The following ZNF579 variants were observed in gnomAD, a reference collection of about 807,000 sequenced individuals.
ZNF579 encodes the protein zinc finger protein 579.
Under a neutral mutation model 5.7 loss-of-function variants are expected in ZNF579, and 3 were observed. That is an observed-to-expected ratio of 0.53 (90% CI 0.24 to 1.36). The LOEUF (loss-of-function observed/expected upper bound fraction) is 1.36, where lower values mean the gene tolerates loss of function less well. Ranked by LOEUF, ZNF579 falls within the 40% of genes most tolerant of loss-of-function variation. The pLI is 0.16. For synonymous variants in ZNF579, 454 were observed against 409.0 expected (o/e 1.11, Z -1.33); for missense variants, 679 against 877.6 (o/e 0.77, Z 2.86).
chr19:55,577,257 C>A lies in ZNF579; in HGVS notation c.*694G>T, dbSNP rs752980275. ...AGAGTAAGGGTGTGGTAGAGATTGA[C>A]TGAGTAAGGCGCGGAGCTTCCACAG... On this transcript the variant is annotated 3_prime_UTR_variant, in exon 2 of 2. Transcript: ENST00000325421. The A allele has an allele frequency of 1.9e-5, 3 of 153,922 alleles. No homozygotes were observed. Among genetic ancestry groups the A allele is most frequent in the Non-Finnish European group, 4.3e-5 (3 of 69,184 alleles). 9.5% of individuals were successfully genotyped at this position (153,922 alleles called of 1,614,324 possible).
chr19:55,579,057 C>T lies in ZNF579; in HGVS notation c.583G>A (p.Glu195Lys), dbSNP rs540865662. ...PTSAAEPRES[E>K]SEEAEAGAAE... ...GCCCCGGCCTCGGCCTCCTCCGACTCCGACTCCCGGGGCTCCGCGGCGCTG... is the reference window on the plus strand; with the variant it reads ...GCCCCGGCCTCGGCCTCCTCCGACTTCGACTCCCGGGGCTCCGCGGCGCTG... Residue 195 changes from glutamate (E) to lysine (K), a missense_variant, in exon 2 of 2, where the codon GAG becomes AAG. This residue lies in a region of ZNF579 where 209 missense variants were observed against 223.4 expected (regional missense o/e 0.94). Transcript: ENST00000325421. 2.0e-6 allele frequency: 3 copies of T among 1,530,252 alleles called. No homozygotes were observed. In the African/African-American group the frequency reaches 4.2e-5, roughly 21 times the overall value. The allele number at this position is 1,530,252 out of a possible 1,614,324, so 94.8% of individuals were successfully genotyped here.
intron 1 of ZNF579, 193 bp from the exon 2 acceptor site, chr19:55,579,834 G>T (rs1979588933): frequency 5.7e-6 from 3 of 530,408 alleles, no homozygotes; most frequent in Admixed American, 4.4e-5. Context: ...AGAGACAGGA[G>T]GAGAGAGATC....
Position 55,578,695 on chromosome 19 carries a change from C to T in ZNF579, c.945G>A (p.Gln315=), listed in dbSNP as rs762449955. ...LAFRLASYLR[Q]HRRVHGPLSL... is the part of the protein sequence containing the mutation. ...TGAGGGGGCCGTGGACGCGGCGGTG[C>T]TGGCGGAGGTAGGAGGCGAGGCGGA... Residue 315 remains glutamine (Q), a synonymous_variant, in exon 2 of 2, where the codon CAG becomes CAA. Transcript: ENST00000325421. The T allele has an allele frequency of 2.7e-5, 43 of 1,572,670 alleles. No homozygotes were observed. The highest frequency in any genetic ancestry group is 3.5e-5 in the Non-Finnish European group (41 of 1,164,900).
chr19:55,579,698 G>C (rs890330457), intron 1 of ZNF579, 57 bp from the exon 2 acceptor site: 7 of 1,353,962 alleles, frequency 5.2e-6, no homozygotes, highest in African/African-American at 1.5e-5. Context: ...GAGGTGCGTG[G>C]GGTGTGGCAG....
chr19:55,578,958 A>T lies in ZNF579; in HGVS notation c.682T>A (p.Trp228Arg). ...CGGCAGCGCAGACACAGCAGCGTCC[A>T]GTCTGCCTGGAGCAGGACCTGTTTC... ...EEKQVLLQAD[W>R]TLLCLRCREA... Residue 228 changes from tryptophan (W) to arginine (R), a missense_variant, in exon 2 of 2, where the codon TGG becomes AGG. Physicochemically the swap from Trp to Arg is moderately radical, Grantham distance 101. Transcript: ENST00000325421. 6.4e-7 allele frequency: 1 copy of T among 1,550,912 alleles called. No homozygotes were observed. The highest frequency in any genetic ancestry group is 8.7e-7 in the Non-Finnish European group (1 of 1,152,322).
At position 55,577,775 on chromosome 19, in the gene ZNF579, G is replaced by A; in HGVS notation, c.*176C>T. On this transcript the variant is annotated 3_prime_UTR_variant, in exon 2 of 2. Coordinates refer to ENST00000325421, the MANE Select transcript of ZNF579 (RefSeq NM_152600.3). ...TGAGCGGTTCCTAACCAGCATCAGGGGTTCTGGGGGCGGGCGATGGGGGAG... is the reference window on the plus strand; with the variant it reads ...TGAGCGGTTCCTAACCAGCATCAGGAGTTCTGGGGGCGGGCGATGGGGGAG... The A allele has an allele frequency of 1.6e-6, 2 of 1,217,522 alleles. No homozygotes were observed. The highest frequency in any genetic ancestry group is 2.2e-6 in the Non-Finnish European group (2 of 900,006). The allele number at this position is 1,217,522 out of a possible 1,614,324, so 75.4% of individuals were successfully genotyped here.
At chr19:55,580,425 T>A (rs1979617787) in intron 1 of ZNF579, among the ~76,000 whole-genome samples, 1 of 150,726 alleles carries the variant, frequency 6.6e-6, no homozygotes, top group Non-Finnish European at 1.5e-5. Context: ...GGATTGAGAC[T>A]CCTGGGTCCA....
intron 1 of ZNF579, 32 bp from the exon 2 acceptor site, chr19:55,579,673 G>C: frequency 7.1e-7 from 1 of 1,403,304 alleles, no homozygotes; most frequent in Non-Finnish European, 9.2e-7. Context: ...ATGGGAAGCG[G>C]GGCAGAGATA....
Position 55,578,455 on chromosome 19 carries a change from G to A in ZNF579, c.1185C>T (p.Arg395=), listed in dbSNP as rs1404054176. The change falls in exon 2 of 2, where the codon CGC becomes CGT. Residue 395 remains arginine, a synonymous_variant. Transcript: ENST00000325421. ...WCPECGKGFR[R]RAHLRQHGVT... ...CCCCGTGCTGCCGCAGGTGCGCCCG[G>A]CGCCTGAAACCTTTGCCGCACTCTG... 2 of 1,463,386 alleles carry A rather than the reference G, an allele frequency of 1.4e-6. No homozygotes were observed. Among genetic ancestry groups the A allele is most frequent in the Non-Finnish European group, 1.8e-6 (2 of 1,117,866 alleles). 90.7% of individuals were successfully genotyped at this position (1,463,386 alleles called of 1,614,324 possible). A position where few individuals can be genotyped will look rare whatever the true frequency, so the allele number is the denominator to read the frequency against.
intron 1 of ZNF579, chr19:55,580,019 A>G: frequency 5.0e-6 from 1 of 200,776 alleles, no homozygotes; most frequent in Non-Finnish European, 1.0e-5. Context: ...ACAGAGACAC[A>G]GAGAAGAGGA....
chr19:55,577,666 G>A lies in ZNF579; in HGVS notation c.*285C>T. 1 of 499,658 alleles carries A rather than the reference G, an allele frequency of 2.0e-6. No homozygotes were observed. Among genetic ancestry groups the A allele is most frequent in the Non-Finnish European group, 3.5e-6 (1 of 281,796 alleles). The allele number at this position is 499,658 out of a possible 1,614,324, so 31.0% of individuals were successfully genotyped here. On this transcript the variant is annotated 3_prime_UTR_variant, in exon 2 of 2. Transcript: ENST00000325421. ...TGAAACGGGGGACAGGGAGGCGGGG[G>A]CGTCCCCACCAGTCTCCATCCCTCT...
Position 55,577,877 on chromosome 19 carries a change from C to T in ZNF579, c.*74G>A, listed in dbSNP as rs991889246. On this transcript the variant is annotated 3_prime_UTR_variant, in exon 2 of 2. Transcript: ENST00000325421. ...ACGGGTGGGTAGACAGAGGAGGTGG[C>T]TCCTTCAACTTCCCTCCTCCATTCT... The T allele has an allele frequency of 5.6e-5, 86 of 1,531,796 alleles. No individual in the cohort carries two copies. In the Admixed American group the frequency reaches 1.7e-3, roughly 30 times the overall value. The allele number at this position is 1,531,796 out of a possible 1,614,324, so 94.9% of individuals were successfully genotyped here.
intron 1 of ZNF579, 163 bp from the exon 2 acceptor site, chr19:55,579,804 C>T (rs1395259872): frequency 1.4e-6 from 1 of 705,168 alleles, no homozygotes; most frequent in East Asian, 3.5e-5. Flanking sequence ...TGAGAGACAC[C>T]GAGGGGAGGC....
chr19:55,577,939 G>T lies in ZNF579; in HGVS notation c.*12C>A, dbSNP rs1225742347. On this transcript the variant is annotated 3_prime_UTR_variant, in exon 2 of 2. Coordinates refer to ENST00000325421, the MANE Select transcript of ZNF579 (RefSeq NM_152600.3). ...AGCTCAGGCGGAGCGGCGGAGGGCAGGGCGGCGAAGGTCAGGAGGCCAGGC... is the reference window on the plus strand; with the variant it reads ...AGCTCAGGCGGAGCGGCGGAGGGCATGGCGGCGAAGGTCAGGAGGCCAGGC... 1 of 1,575,848 alleles carries T rather than the reference G, an allele frequency of 6.3e-7. No individual in the cohort carries two copies. Among genetic ancestry groups the T allele is most frequent in the South Asian group, 1.2e-5 (1 of 86,226 alleles).
rs954639446 is a variant in ZNF579, at chr19:55,579,499, G to A, written c.141C>T (p.Pro47=). 2 of 1,364,946 alleles carry A rather than the reference G, an allele frequency of 1.5e-6. No homozygotes were observed. The highest frequency in any genetic ancestry group is 1.9e-6 in the Non-Finnish European group (2 of 1,060,946). The allele number at this position is 1,364,946 out of a possible 1,614,324, so 84.6% of individuals were successfully genotyped here. A position where few individuals can be genotyped will look rare whatever the true frequency, so the allele number is the denominator to read the frequency against. The change falls in exon 2 of 2, where the codon CCC becomes CCT. Residue 47 remains proline (P), a synonymous_variant. Transcript: ENST00000325421. ...AGAPRAPLPC[P]TCGRLFRFPY... is the part of the protein sequence containing the mutation. ...GGAAACGGAAGAGGCGGCCGCAGGTGGGGCAGGGCAGGGGCGCCCTAGGGG... is the reference window on the plus strand; with the variant it reads ...GGAAACGGAAGAGGCGGCCGCAGGTAGGGCAGGGCAGGGGCGCCCTAGGGG...
In ZNF579 at chr19:55,578,034, G is replaced by C; in HGVS notation, c.1606C>G (p.Gln536Glu). The change falls in exon 2 of 2, where the codon CAA becomes GAA. Residue 536 changes from glutamine to glutamate, a missense_variant. Coordinates refer to ENST00000325421, the MANE Select transcript of ZNF579 (RefSeq NM_152600.3). ...TCCATCTCGAAGGCTGAGTGGTCTT[G>C]GCTGTCGAAACAGGAGGCGCTGAGG... Reference protein sequence around the residue: ...VFLSASCFDSQDHSAFEMEEE... With the variant: ...VFLSASCFDSEDHSAFEMEEE... The C allele has an allele frequency of 6.3e-7, 1 of 1,596,456 alleles. No homozygotes were observed. The highest frequency in any genetic ancestry group is 8.5e-7 in the Non-Finnish European group (1 of 1,171,862).
In ZNF579 at chr19:55,579,487, GC is replaced by G; in HGVS notation, c.152del (p.Arg51ProfsTer14). 7.4e-7 allele frequency: 1 copy of G among 1,360,086 alleles called. No homozygotes were observed. Among genetic ancestry groups the G allele is most frequent in the Non-Finnish European group, 9.5e-7 (1 of 1,057,370 alleles). 84.3% of individuals were successfully genotyped at this position (1,360,086 alleles called of 1,614,324 possible). On this transcript the variant is annotated frameshift_variant, in exon 2 of 2. Coordinates refer to ENST00000325421, the MANE Select transcript of ZNF579 (RefSeq NM_152600.3). LOFTEE classifies it low-confidence loss of function (END_TRUNC). ...RAPLPCPTCG[R>X]LFRFPYYLSR... The stretch of plus-strand genomic sequence containing the variant: ...AGAGGTAGTAGGGGAAACGGAAGAG[GC>G]GGCCGCAGGTGGGGCAGGGCAGGGG...
At position 55,578,648 on chromosome 19, in the gene ZNF579, G is replaced by A. The variant is rs1159155601; in HGVS notation, c.992C>T (p.Ala331Val). The change falls in exon 2 of 2, where the codon GCG becomes GTG. Residue 331 changes from alanine (A) to valine (V), a missense_variant. By Grantham distance (64) the Ala-to-Val change is moderately conservative. Transcript: ENST00000325421. ...GGCCTTGTCGTCCTTCTTGCCCGCCGCGGGCAGCGGGGCCAGCAGGCTGAG... is the reference window on the plus strand; with the variant it reads ...GGCCTTGTCGTCCTTCTTGCCCGCCACGGGCAGCGGGGCCAGCAGGCTGAG... ...GPLSLLAPLP[A>V]AGKKDDKASG... 3 of 1,527,738 alleles carry A rather than the reference G, an allele frequency of 2.0e-6. No individual in the cohort carries two copies. The highest frequency in any genetic ancestry group is 1.7e-6 in the Non-Finnish European group (2 of 1,148,144). The allele number at this position is 1,527,738 out of a possible 1,614,324, so 94.6% of individuals were successfully genotyped here. A position where few individuals can be genotyped will look rare whatever the true frequency, so the allele number is the denominator to read the frequency against.
Position 55,578,364 on chromosome 19 carries a change from C to T in ZNF579, c.1276G>A (p.Asp426Asn). 1 of 1,450,742 alleles carries T rather than the reference C, an allele frequency of 6.9e-7. No individual in the cohort carries two copies. 89.9% of individuals were successfully genotyped at this position (1,450,742 alleles called of 1,614,324 possible). A position where few individuals can be genotyped will look rare whatever the true frequency, so the allele number is the denominator to read the frequency against. ...RCQREFKRLA[D>N]LARHAQVHAG... ...TGCACCTGTGCGTGGCGCGCCAGGT[C>T]GGCCAGGCGCTTGAACTCCCGCTGG... The change falls in exon 2 of 2, where the codon GAC becomes AAC. Residue 426 changes from aspartate to asparagine, a missense_variant. This residue lies in a region of ZNF579 where 68 missense variants were observed against 154.2 expected (regional missense o/e 0.44). Coordinates refer to ENST00000325421, the MANE Select transcript of ZNF579 (RefSeq NM_152600.3).
Sources: allele counts gnomAD v4.1 joint callset (sites outside exome capture counted in the v4.1 genomes callset), GRCh38; gene constraint gnomAD v4.1.1; regional missense constraint gnomAD v4.1.1; transcripts MANE v1.5; gene names NCBI Gene and HGNC (gene_info 2026-07-23, HGNC 2026-07-21).